The following PDIA5 variants were observed in gnomAD, a reference collection of about 807,000 sequenced individuals.
PDIA5 encodes the protein protein disulfide isomerase family A member 5, also known as protein disulfide-isomerase A5.
In PDIA5, 58 loss-of-function variants were observed where a neutral mutation model predicts 77.6. The observed-to-expected ratio is 0.75, with a 90% CI of 0.61 to 0.93. The LOEUF (loss-of-function observed/expected upper bound fraction) is 0.93, where lower values mean the gene tolerates loss of function less well. PDIA5 is among the 40% of genes least tolerant of loss of function. The pLI is 0.00. For missense variants in PDIA5, 630 were observed against 647.7 expected (o/e 0.97, Z 0.30); for synonymous variants, 250 against 252.1 (o/e 0.99, Z 0.08).
At chr3:123,089,637 A>T (rs759289742) in intron 2 of PDIA5, among the ~76,000 whole-genome samples, 1 of 152,264 alleles carries the variant, frequency 6.6e-6, no homozygotes, top group African/African-American at 2.4e-5. Context: ...CTGCACAGGC[A>T]TGGGGCCGAG....
chr3:123,158,478 G>C (rs1038689964), intron 15 of PDIA5, among the ~76,000 whole-genome samples: 1 of 152,190 alleles, frequency 6.6e-6, no homozygotes, highest in South Asian at 2.1e-4. Flanking sequence ...AGTGAGACAC[G>C]AAAGGGGAGG....
chr3:123,143,015 G>T (rs960188249), intron 11 of PDIA5, among the ~76,000 whole-genome samples: 6 of 152,026 alleles, frequency 3.9e-5, no homozygotes, highest in African/African-American at 1.5e-4. Flanking sequence ...TATTTATCAT[G>T]TATCTATTAA....
intron 8 of PDIA5, among the ~76,000 whole-genome samples, chr3:123,120,714 A>G (rs922587486): frequency 2.6e-5 from 4 of 152,170 alleles, no homozygotes; most frequent in Admixed American, 6.5e-5. Context: ...TCTCAAATGC[A>G]TGTCTGAAAA....
At chr3:123,121,798 T>C (rs916149659) in intron 8 of PDIA5, among the ~76,000 whole-genome samples, 1 of 152,244 alleles carries the variant, frequency 6.6e-6, no homozygotes, top group Non-Finnish European at 1.5e-5. Context: ...TTATTGATTA[T>C]CTTGTATTAT....
intron 1 of PDIA5, among the ~76,000 whole-genome samples, chr3:123,086,534 G>A (rs1934142567): frequency 6.6e-6 from 1 of 152,150 alleles, no homozygotes; most frequent in African/African-American, 2.4e-5. Flanking sequence ...AATTTTTTCT[G>A]GCAGAAATTA....
At chr3:123,140,370 T>C (rs1935598203) in intron 11 of PDIA5, among the ~76,000 whole-genome samples, 1 of 148,788 alleles carries the variant, frequency 6.7e-6, no homozygotes, top group South Asian at 2.1e-4. Context: ...CTGATCTGAT[T>C]GATGTTTTGA....
At chr3:123,069,255 C>T (rs1333532720) in intron 1 of PDIA5, among the ~76,000 whole-genome samples, 2 of 152,140 alleles carry the variant, frequency 1.3e-5, no homozygotes, top group Non-Finnish European at 2.9e-5. Context: ...TCAATATTTA[C>T]TGAGGGCTGA....
intron 11 of PDIA5, among the ~76,000 whole-genome samples, chr3:123,136,001 G>A (rs1169021233): frequency 6.6e-6 from 1 of 150,918 alleles, no homozygotes; most frequent in African/African-American, 2.4e-5. Context: ...TCACTATGTT[G>A]CTCAGGCTGG....
rs907980713 is a variant in PDIA5 at position 123,088,551 on chromosome 3, A to T, written c.43-617A>T. Reference sequence around the variant, plus strand: ...GTGGTAACATGAGGAATATGGACAGACATTGACCTCCCAGGGGGCTCTCGA... The same window carrying T: ...GTGGTAACATGAGGAATATGGACAGTCATTGACCTCCCAGGGGGCTCTCGA... On this transcript the variant is annotated intron_variant, in intron 1 of 16. Transcript: ENST00000316218. Among the ~76,000 whole-genome samples, 4 of 152,296 alleles carry T rather than the reference A, an allele frequency of 2.6e-5. No homozygotes were observed. In the East Asian group the frequency reaches 5.8e-4, roughly 22 times the overall value.
At chr3:123,078,434 C>G (rs190333753) in intron 1 of PDIA5, among the ~76,000 whole-genome samples, 2 of 152,102 alleles carry the variant, frequency 1.3e-5, no homozygotes, top group East Asian at 3.9e-4. Context: ...TTCTTTGTAA[C>G]TTTTATTTAG....
At chr3:123,123,681 T>C (rs1352556307) in intron 8 of PDIA5, among the ~76,000 whole-genome samples, 1 of 152,118 alleles carries the variant, frequency 6.6e-6, no homozygotes, top group East Asian at 1.9e-4. Context: ...ACAACCCGAG[T>C]TGACATGAAC....
intron 1 of PDIA5, among the ~76,000 whole-genome samples, chr3:123,082,061 T>C (rs1934025563): frequency 6.6e-6 from 1 of 152,220 alleles, no homozygotes; most frequent in Non-Finnish European, 1.5e-5. Flanking sequence ...ATTTAGGATC[T>C]TCATGCTCTT....
chr3:123,092,558 G>T (rs1934325871), intron 3 of PDIA5, 116 bp downstream of exon 3: 4 of 798,806 alleles, frequency 5.0e-6, no homozygotes, highest in Middle Eastern at 3.5e-4. Flanking sequence ...GGATGCGATG[G>T]AAAGATTCCA....
At chr3:123,115,810 G>T (rs1934981818) in intron 7 of PDIA5, among the ~76,000 whole-genome samples, 1 of 152,250 alleles carries the variant, frequency 6.6e-6, no homozygotes, top group Non-Finnish European at 1.5e-5. Context: ...AATGGCATTT[G>T]ACTCCAGCTC....
At chr3:123,135,732 C>T (rs1169137241) in intron 11 of PDIA5, among the ~76,000 whole-genome samples, 2 of 142,560 alleles carry the variant, frequency 1.4e-5, no homozygotes, top group Non-Finnish European at 3.0e-5. Flanking sequence ...TCCCCATTAT[C>T]CAGAGGTAAC....
chr3:123,127,091 C>T (rs970811580), intron 10 of PDIA5, among the ~76,000 whole-genome samples: 1 of 152,176 alleles, frequency 6.6e-6, no homozygotes, highest in African/African-American at 2.4e-5. Flanking sequence ...CAGAAGTGAA[C>T]TGAATTAGCA....
chr3:123,136,383 G>T (rs911525100), intron 11 of PDIA5, among the ~76,000 whole-genome samples: 1 of 152,162 alleles, frequency 6.6e-6, no homozygotes, highest in African/African-American at 2.4e-5. Flanking sequence ...CTCAGGGCTG[G>T]TCACCACTCA....
intron 10 of PDIA5, among the ~76,000 whole-genome samples, chr3:123,126,794 G>A (rs935942475): frequency 1.3e-5 from 2 of 152,222 alleles, no homozygotes; most frequent in African/African-American, 4.8e-5. Context: ...TAGGAGAGAA[G>A]ACCTAGGTCC....
At chr3:123,156,798 G>A (rs60029376) in intron 15 of PDIA5, among the ~76,000 whole-genome samples, 3 of 146,718 alleles carry the variant, frequency 2.0e-5, no homozygotes, top group Non-Finnish European at 3.0e-5. Context: ...CTGAGGCACC[G>A]AGGGGGCTGG....
Sources: gnomAD v4.1 joint callset for allele counts (sites outside exome capture counted in the v4.1 genomes callset) on GRCh38, gnomAD v4.1.1 for gene constraint, MANE v1.5 for transcripts, NCBI Gene and HGNC (gene_info 2026-07-23, HGNC 2026-07-21) for gene names.